Variants in GNAQ observed in about 807,000 individuals in gnomAD.
The protein encoded by GNAQ is guanine nucleotide-binding protein G(q) subunit alpha.
GNAQ carries 8 observed loss-of-function variants against 43.9 expected under a neutral mutation model. That is an observed-to-expected ratio of 0.18 (90% CI 0.11 to 0.33). The LOEUF is 0.33. Among genes scored for constraint, GNAQ ranks in the 10% least tolerant of loss-of-function variants. The pLI is 1.00. For synonymous variants in GNAQ, 155 were observed against 170.7 expected (o/e 0.91, Z 0.71); for missense variants, 158 against 450.8 (o/e 0.35, Z 5.88).
chr9:77,815,331 T>A (rs567508025), intron 3 of GNAQ, among the ~76,000 whole-genome samples: 47 of 152,286 alleles, frequency 3.1e-4, no homozygotes, highest in Middle Eastern at 6.8e-3. Context: ...GTTTGCAATT[T>A]GGGGGAGGAG....
intron 1 of GNAQ, among the ~76,000 whole-genome samples, chr9:77,983,736 A>G (rs888398157): frequency 2.0e-5 from 3 of 152,150 alleles, no homozygotes; most frequent in African/African-American, 7.2e-5. Context: ...CATCACTAGC[A>G]GATCTAGTCT....
chr9:77,961,046 C>A (rs1281820343), intron 1 of GNAQ, among the ~76,000 whole-genome samples: 1 of 152,140 alleles, frequency 6.6e-6, no homozygotes, highest in African/African-American at 2.4e-5. Context: ...TTTACTCTTT[C>A]CTTTAAAAGT....
intron 1 of GNAQ, among the ~76,000 whole-genome samples, chr9:77,957,610 T>C (rs1823059057): frequency 6.6e-6 from 1 of 151,984 alleles, no homozygotes; most frequent in Admixed American, 6.6e-5. Context: ...ACAGAGGCAA[T>C]GGGATTTCAT....
At chr9:78,028,729 C>T (rs2118623505) in intron 1 of GNAQ, among the ~76,000 whole-genome samples, 1 of 152,282 alleles carries the variant, frequency 6.6e-6, no homozygotes, top group Non-Finnish European at 1.5e-5. Context: ...ATTCAGTGTA[C>T]TCATCAAAGC....
intron 5 of GNAQ, among the ~76,000 whole-genome samples, chr9:77,735,030 G>A (rs1323121746): frequency 6.6e-5 from 10 of 152,034 alleles, no homozygotes; most frequent in Non-Finnish European, 1.0e-4. Context: ...TGTACATGAC[G>A]AAACACGCTG....
intron 1 of GNAQ, among the ~76,000 whole-genome samples, chr9:77,988,975 A>G (rs1014481152): frequency 6.6e-6 from 1 of 152,238 alleles, no homozygotes; most frequent in East Asian, 1.9e-4. Flanking sequence ...ATTCCTAAAG[A>G]TAAAACGCTG....
intron 1 of GNAQ, among the ~76,000 whole-genome samples, chr9:77,926,103 T>A (rs1404824612): frequency 6.6e-6 from 1 of 152,198 alleles, no homozygotes; most frequent in African/African-American, 2.4e-5. Flanking sequence ...CAAATGCATA[T>A]GGACTAAAAC....
chr9:77,877,918 A>C (rs1014531137), intron 2 of GNAQ, among the ~76,000 whole-genome samples: 1 of 151,926 alleles, frequency 6.6e-6, no homozygotes, highest in African/African-American at 2.4e-5. Context: ...TTTTCAGTCC[A>C]CTCCACTGAC....
intron 1 of GNAQ, among the ~76,000 whole-genome samples, chr9:77,943,968 G>A (rs1829351259): frequency 6.6e-6 from 1 of 152,058 alleles, no homozygotes; most frequent in South Asian, 2.1e-4. Context: ...TGCCTAGCCA[G>A]TGACTTCTTA....
At chr9:77,952,088 A>T (rs1822985794) in intron 1 of GNAQ, among the ~76,000 whole-genome samples, 1 of 152,240 alleles carries the variant, frequency 6.6e-6, no homozygotes, top group South Asian at 2.1e-4. Context: ...GTTCTTAAAA[A>T]ACATTTCCTG....
intron 2 of GNAQ, among the ~76,000 whole-genome samples, chr9:77,881,218 A>G (rs955978912): frequency 6.6e-5 from 10 of 152,196 alleles, no homozygotes; most frequent in African/African-American, 2.2e-4. Context: ...CGGGCAATAT[A>G]TTCACACCTA....
intron 1 of GNAQ, among the ~76,000 whole-genome samples, chr9:78,004,958 G>C (rs1029372579): frequency 3.3e-5 from 5 of 152,000 alleles, no homozygotes; most frequent in Admixed American, 2.6e-4. Flanking sequence ...AGAGGGGGTG[G>C]GATCAGATAA....
intron 5 of GNAQ, among the ~76,000 whole-genome samples, chr9:77,783,381 G>A (rs1437013576): frequency 6.6e-6 from 1 of 152,206 alleles, no homozygotes; most frequent in East Asian, 1.9e-4. Flanking sequence ...TAAAGTCACT[G>A]AATTGTTCAT....
At chr9:77,953,288 CAT>C (rs1374583159) in intron 1 of GNAQ, among the ~76,000 whole-genome samples, 1 of 152,198 alleles carries the variant, frequency 6.6e-6, no homozygotes, top group African/African-American at 2.4e-5. Flanking sequence ...TCTGAAAGTG[CAT>C]TTAAGTGCAA....
chr9:77,835,240 C>T (rs974561555), intron 2 of GNAQ, among the ~76,000 whole-genome samples: 3 of 151,548 alleles, frequency 2.0e-5, no homozygotes, highest in African/African-American at 7.3e-5. Flanking sequence ...TCATGAGTAA[C>T]TGAAATAATG....
intron 2 of GNAQ, among the ~76,000 whole-genome samples, chr9:77,909,408 T>C (rs1164457627): frequency 6.6e-6 from 1 of 152,090 alleles, no homozygotes; most frequent in East Asian, 1.9e-4. Flanking sequence ...GCACACACAA[T>C]CACCTAATTA....
intron 2 of GNAQ, among the ~76,000 whole-genome samples, chr9:77,839,832 C>T (rs2117874394): frequency 6.6e-6 from 1 of 152,336 alleles, no homozygotes; most frequent in East Asian, 1.9e-4. Context: ...TACATAAGAA[C>T]TATGTATCTA....
At position 77,794,607 on chromosome 9, in the gene GNAQ, A is replaced by G. The variant is rs754010787; in HGVS notation, c.606-15T>C. On this transcript the variant is annotated splice_polypyrimidine_tract_variant and intron_variant, in intron 4 of 6. Transcript: ENST00000286548. The stretch of plus-strand genomic sequence containing the variant: ...CATCGACCATTCTGCAAGGTTAACA[A>G]TACTCATATTAATAACATATAAAGT... The G allele has an allele frequency of 3.9e-6, 6 of 1,549,916 alleles. No individual in the cohort carries two copies. The highest frequency in any genetic ancestry group is 5.3e-6 in the Non-Finnish European group (6 of 1,129,798).
intron 1 of GNAQ, among the ~76,000 whole-genome samples, chr9:78,027,979 C>A (rs554847766): frequency 3.3e-5 from 5 of 152,134 alleles, no homozygotes; most frequent in African/African-American, 1.2e-4. Context: ...GCACTCAAGG[C>A]CACTTGTATT....
Sources: allele counts gnomAD v4.1 joint callset (sites outside exome capture counted in the v4.1 genomes callset), GRCh38; gene constraint gnomAD v4.1.1; transcripts MANE v1.5; gene names NCBI Gene and HGNC (gene_info 2026-07-23, HGNC 2026-07-21).